The following BARD1 variants were observed in gnomAD, a reference collection of about 807,000 sequenced individuals.
BARD1 encodes BRCA1 associated RING domain 1.
BARD1 carries 73 observed loss-of-function variants against 77.0 expected under a neutral mutation model. The observed-to-expected ratio is 0.95, with a 90% CI of 0.79 to 1.15. The LOEUF is 1.15. Among genes scored for constraint, BARD1 ranks in the 50% most tolerant of loss-of-function variants. The probability of loss-of-function intolerance (pLI) is 0.00; values close to 1 mark genes in which losing one functional copy is unlikely to be tolerated. For missense variants in BARD1, 993 were observed against 938.8 expected (o/e 1.06, Z -0.75); for synonymous variants, 384 against 338.0 (o/e 1.14, Z -1.49).
At chr2:214,775,634 T>C (rs1574806485) in intron 4 of BARD1, among the ~76,000 whole-genome samples, 1 of 152,158 alleles carries the variant, frequency 6.6e-6, no homozygotes, top group Non-Finnish European at 1.5e-5. Flanking sequence ...CAATGCAGGA[T>C]TGCCAAAAAA....
At position 214,777,074 on chromosome 2, in the gene BARD1, G is replaced by C. The variant is rs1043561735; in HGVS notation, c.1314+3486C>G. Among the ~76,000 whole-genome samples the C allele has an allele frequency of 2.0e-5, 3 of 152,210 alleles. No individual in the cohort carries two copies. In the East Asian group the frequency reaches 5.8e-4, roughly 29 times the overall value. On this transcript the variant is annotated intron_variant, in intron 4 of 10. Coordinates refer to ENST00000260947, the MANE Select transcript of BARD1 (RefSeq NM_000465.4). Reference sequence around the variant, plus strand: ...GCAAAAATGAAATGGGTCTTTCCTGGAACCTCCTGAAAACAGCTGACAACA... The same window carrying C: ...GCAAAAATGAAATGGGTCTTTCCTGCAACCTCCTGAAAACAGCTGACAACA...
chr2:214,794,661 G>A (rs1695678199), intron 2 of BARD1, among the ~76,000 whole-genome samples: 1 of 152,120 alleles, frequency 6.6e-6, no homozygotes, highest in African/African-American at 2.4e-5. Context: ...CAATTCTGAA[G>A]AATGCTCAAA....
At chr2:214,745,966 A>G (rs557582095) in intron 7 of BARD1, 112 bp from the exon 8 acceptor site, 2 of 1,244,504 alleles carry the variant, frequency 1.6e-6, no homozygotes, top group Non-Finnish European at 2.3e-6. Context: ...GTTTACTCTA[A>G]TAATTTTCAA....
intron 6 of BARD1, among the ~76,000 whole-genome samples, chr2:214,760,816 C>T (rs963447919): frequency 1.3e-5 from 2 of 150,794 alleles, no homozygotes; most frequent in Non-Finnish European, 3.0e-5. Context: ...GCTCTGTCGC[C>T]CAGGCTGGAG....
At chr2:214,803,427 T>C (rs999287747) in intron 1 of BARD1, among the ~76,000 whole-genome samples, 1 of 152,230 alleles carries the variant, frequency 6.6e-6, no homozygotes, top group Non-Finnish European at 1.5e-5. Context: ...TAAAACCCGA[T>C]TGTAGGTTCC....
intron 9 of BARD1, among the ~76,000 whole-genome samples, chr2:214,742,868 T>G (rs1280817282): frequency 6.6e-6 from 1 of 152,236 alleles, no homozygotes; most frequent in Non-Finnish European, 1.5e-5. Flanking sequence ...GATGAAAATC[T>G]ATTTCTCCTT....
intron 6 of BARD1, among the ~76,000 whole-genome samples, chr2:214,763,099 A>G (rs970613661): frequency 1.3e-5 from 2 of 152,016 alleles, no homozygotes; most frequent in African/African-American, 4.8e-5. Flanking sequence ...TTCCACTTAC[A>G]TCACTAACGG....
chr2:214,787,616 T>C (rs562418570), intron 3 of BARD1, among the ~76,000 whole-genome samples: 1 of 152,078 alleles, frequency 6.6e-6, no homozygotes, highest in African/African-American at 2.4e-5. Context: ...TACTGGTCCT[T>C]CCTCTGCACA....
intron 6 of BARD1, among the ~76,000 whole-genome samples, chr2:214,766,067 A>AT (rs1262685979): frequency 6.6e-6 from 1 of 152,214 alleles, no homozygotes; most frequent in Admixed American, 6.5e-5. Context: ...CAATACCTGC[A>AT]TTTTCATTTC....
intron 3 of BARD1, among the ~76,000 whole-genome samples, chr2:214,788,817 T>C (rs762394433): frequency 2.0e-5 from 3 of 152,128 alleles, no homozygotes; most frequent in Non-Finnish European, 2.9e-5. Flanking sequence ...GTTCCTGGTA[T>C]ATAGTTTACC....
chr2:214,790,023 A>T (rs1388818894), intron 3 of BARD1, among the ~76,000 whole-genome samples: 1 of 152,154 alleles, frequency 6.6e-6, no homozygotes, highest in Non-Finnish European at 1.5e-5. Context: ...TTCTAAACTC[A>T]ATTTTCCTAA....
At chr2:214,766,290 T>A (rs887567410) in intron 6 of BARD1, among the ~76,000 whole-genome samples, 2 of 152,130 alleles carry the variant, frequency 1.3e-5, no homozygotes, top group Admixed American at 6.5e-5. Flanking sequence ...ATGTAAAAAA[T>A]TTAAGAAATA....
intron 4 of BARD1, among the ~76,000 whole-genome samples, chr2:214,771,828 A>T (rs562541291): frequency 4.6e-5 from 7 of 151,874 alleles, no homozygotes; most frequent in Non-Finnish European, 7.4e-5. Flanking sequence ...TTCTCATGCA[A>T]CATACATTTT....
intron 6 of BARD1, among the ~76,000 whole-genome samples, chr2:214,763,248 T>C (rs1345673897): frequency 3.3e-5 from 5 of 152,222 alleles, no homozygotes; most frequent in Non-Finnish European, 7.3e-5. Context: ...CTTCTGTGAC[T>C]TCCTCTGGTC....
At chr2:214,760,779 C>CTTT (rs398061047) in intron 6 of BARD1, among the ~76,000 whole-genome samples, 1 of 141,324 alleles carries the variant, frequency 7.1e-6, no homozygotes, top group Admixed American at 7.1e-5. Flanking sequence ...GGACTTTTTT[C>CTTT]TTTTTTTTTT....
intron 6 of BARD1, among the ~76,000 whole-genome samples, chr2:214,760,567 C>T (rs1693908571): frequency 1.3e-5 from 2 of 152,128 alleles, no homozygotes; most frequent in Non-Finnish European, 2.9e-5. Flanking sequence ...ACAAGCCTTC[C>T]TCTCTCCCAG....
intron 4 of BARD1, among the ~76,000 whole-genome samples, chr2:214,780,003 G>C (rs966466051): frequency 6.6e-6 from 1 of 152,160 alleles, no homozygotes; most frequent in Admixed American, 6.6e-5. Flanking sequence ...TAATTAAAGA[G>C]AATGAACGTC....
At chr2:214,782,992 A>T (rs1695109731) in intron 3 of BARD1, among the ~76,000 whole-genome samples, 3 of 152,174 alleles carry the variant, frequency 2.0e-5, no homozygotes, top group Admixed American at 2.0e-4. Context: ...GAGCAAGATG[A>T]TAAAATGTTC....
At position 214,780,661 on chromosome 2, in the gene BARD1, T is replaced by C. The variant is rs876659886; in HGVS notation, c.1213A>G (p.Arg405Gly). 9 of 1,614,118 alleles carry C rather than the reference T, an allele frequency of 5.6e-6. No individual in the cohort carries two copies. Among genetic ancestry groups the C allele is most frequent in the Non-Finnish European group, 7.6e-6 (9 of 1,179,980 alleles). The change falls in exon 4 of 11, where the codon AGG (arginine) becomes GGG (glycine). Residue 405 changes from arginine to glycine, a missense_variant. Coordinates refer to ENST00000260947, the MANE Select transcript of BARD1 (RefSeq NM_000465.4). ...PPSTLSSSSYRRVMSSPSAMK... is the reference protein window; with the variant it reads ...PPSTLSSSSYGRVMSSPSAMK... ...GCTGAGGGACTAGACATCACTCGCC[T>C]GTAACTTGAACTACTTAATGTAGAA...
Sources: allele counts gnomAD v4.1 joint callset (sites outside exome capture counted in the v4.1 genomes callset), GRCh38; gene constraint gnomAD v4.1.1; transcripts MANE v1.5; gene names NCBI Gene and HGNC (gene_info 2026-07-23, HGNC 2026-07-21).